LBP: variants seen among roughly 807,000 people sequenced by gnomAD.
LBP encodes the protein lipopolysaccharide binding protein.
Under a neutral mutation model 56.6 loss-of-function variants are expected in LBP, and 53 were observed. The observed-to-expected ratio is 0.94, with a 90% confidence interval of 0.75 to 1.18. The LOEUF (loss-of-function observed/expected upper bound fraction) is 1.18, where lower values mean the gene tolerates loss of function less well. Among genes scored for constraint, LBP ranks in the 50% most tolerant of loss-of-function variants. LBP has a pLI of 0.00. For synonymous variants in LBP, 227 were observed against 247.5 expected, an observed-to-expected ratio of 0.92 and a Z score of 0.78; for missense variants, 601 against 598.3, an observed-to-expected ratio of 1.00 and a Z score of -0.05.
At chr20:38,370,883 T>G in intron 11 of LBP, 78 bp downstream of exon 11, 1 of 1,206,684 alleles carries the variant, frequency 8.3e-7, no homozygotes, top group Non-Finnish European at 1.2e-6. Flanking sequence ...CTGTAGCTGG[T>G]GGGAGGGGGG....
chr20:38,348,777 A>AGTTTT (rs1491384715), intron 1 of LBP, among the ~76,000 whole-genome samples: 56 of 130,782 alleles, frequency 4.3e-4, no homozygotes, highest in African/African-American at 1.5e-3. Context: ...AGTTTAGTTT[A>AGTTTT]GTTTAGTTTA....
chr20:38,371,624 A>C (rs917430787), intron 12 of LBP, among the ~76,000 whole-genome samples: 1 of 152,232 alleles, frequency 6.6e-6, no homozygotes, highest in Non-Finnish European at 1.5e-5. Context: ...ATAATTGAAA[A>C]GCAAAAATAA....
chr20:38,356,876 G>A (rs1168426849), intron 5 of LBP, among the ~76,000 whole-genome samples: 1 of 151,758 alleles, frequency 6.6e-6, no homozygotes, highest in Non-Finnish European at 1.5e-5. Context: ...TTTTAATTGA[G>A]ACAGAGTCTC....
At chr20:38,350,667 A>G (rs2076817231) in intron 2 of LBP, 144 bp from the exon 3 acceptor site, 5 of 850,918 alleles carry the variant, frequency 5.9e-6, no homozygotes, top group South Asian at 4.1e-5. Flanking sequence ...TGGTCATAAG[A>G]TCGATGCCTG....
chr20:38,374,669 T>C (rs1242199885), intron 14 of LBP, among the ~76,000 whole-genome samples: 1 of 151,830 alleles, frequency 6.6e-6, no homozygotes, highest in African/African-American at 2.4e-5. Context: ...GGTCAGGTTC[T>C]GAAAGTCATT....
chr20:38,375,442 A>G (rs1028808969), intron 14 of LBP, among the ~76,000 whole-genome samples: 21 of 151,902 alleles, frequency 1.4e-4, no homozygotes, highest in Non-Finnish European at 2.1e-4. Flanking sequence ...TTAGCTGGGC[A>G]TGGTGGTGCG....
In LBP at chr20:38,346,575, C is replaced by T. The variant is rs1344554056; in HGVS notation, c.59C>T (p.Thr20Ile). Residue 20 changes from threonine (T) to isoleucine (I), a missense_variant, in exon 1 of 15, where the codon ACC (threonine) becomes ATC (isoleucine). Physicochemically the swap from Thr to Ile is moderately conservative, Grantham distance 89. Transcript: ENST00000217407. ...CTGCTGGCATTGCTGCTTACGTCCACCCCAGAGGCTCTGGGTGCCAACCCC... is the reference window on the plus strand; with the variant it reads ...CTGCTGGCATTGCTGCTTACGTCCATCCCAGAGGCTCTGGGTGCCAACCCC... ...SILLALLLTS[T>I]PEALGANPGL... is the part of the protein sequence containing the mutation. The T allele has an allele frequency of 1.2e-6, 2 of 1,613,676 alleles. No homozygotes were observed. Among genetic ancestry groups the T allele is most frequent in the East Asian group, 2.2e-5 (1 of 44,898 alleles).
At chr20:38,350,719 A>G in intron 2 of LBP, 92 bp from the exon 3 acceptor site, 1 of 1,400,796 alleles carries the variant, frequency 7.1e-7, no homozygotes, top group East Asian at 2.3e-5. Flanking sequence ...CTGCTGGTCT[A>G]GTCCCCACTG....
chr20:38,350,451 G>T (rs1317435620), intron 2 of LBP, among the ~76,000 whole-genome samples: 1 of 152,184 alleles, frequency 6.6e-6, no homozygotes, highest in Non-Finnish European at 1.5e-5. Context: ...AGCAGGAACT[G>T]CAAACCCAAA....
intron 3 of LBP, among the ~76,000 whole-genome samples, chr20:38,351,860 A>G (rs949972914): frequency 7.2e-5 from 11 of 152,234 alleles, no homozygotes; most frequent in Non-Finnish European, 1.6e-4. Context: ...GTCTCTACTA[A>G]AAATGAAAAA....
chr20:38,362,929 C>T (rs983032523), intron 6 of LBP, among the ~76,000 whole-genome samples: 2 of 152,142 alleles, frequency 1.3e-5, no homozygotes, highest in Non-Finnish European at 2.9e-5. Flanking sequence ...GCCTGGGCCA[C>T]AGAGTGAGAT....
At chr20:38,361,624 C>T (rs1256107820) in intron 6 of LBP, among the ~76,000 whole-genome samples, 2 of 151,866 alleles carry the variant, frequency 1.3e-5, no homozygotes, top group African/African-American at 2.4e-5. Context: ...AGGCTGGTCT[C>T]GAACTCCTGG....
At chr20:38,366,958 C>T in intron 9 of LBP, 130 bp downstream of exon 9, 1 of 820,624 alleles carries the variant, frequency 1.2e-6, no homozygotes, top group Non-Finnish European at 2.1e-6. Context: ...CCACTGAAGG[C>T]TGGGGTGCTG....
At chr20:38,356,662 G>T (rs1395540009) in intron 5 of LBP, among the ~76,000 whole-genome samples, 1 of 152,168 alleles carries the variant, frequency 6.6e-6, no homozygotes, top group East Asian at 1.9e-4. Flanking sequence ...CAATAGTAAT[G>T]TAGCACAATT....
intron 9 of LBP, among the ~76,000 whole-genome samples, chr20:38,367,745 T>C (rs1204754081): frequency 1.3e-5 from 2 of 152,234 alleles, no homozygotes; most frequent in Non-Finnish European, 2.9e-5. Flanking sequence ...GTCTCCCTTC[T>C]AGAAGAGGAT....
rs2076905530 is a variant in LBP, at chr20:38,372,978, T to C, written c.1261-94T>C. ...AAATAGTAGCATGATGTAATACTAG[T>C]TTGCTTTTCCCAAGCGTTTTGCTAT... On this transcript the variant is annotated intron_variant, in intron 12 of 14. Coordinates refer to ENST00000217407, the MANE Select transcript of LBP (RefSeq NM_004139.5). 4 of 983,060 alleles carry C rather than the reference T, an allele frequency of 4.1e-6. No individual in the cohort carries two copies. In the East Asian group the frequency reaches 9.6e-5, roughly 24 times the overall value. 60.9% of individuals were successfully genotyped at this position (983,060 alleles called of 1,614,324 possible).
intron 3 of LBP, among the ~76,000 whole-genome samples, chr20:38,351,904 T>G (rs1484247277): frequency 6.6e-6 from 1 of 151,742 alleles, no homozygotes; most frequent in Non-Finnish European, 1.5e-5. Context: ...CCAGGTGTGG[T>G]GGCAGGTACC....
intron 7 of LBP, 43 bp from the exon 8 acceptor site, chr20:38,364,533 A>G: frequency 1.2e-6 from 2 of 1,602,518 alleles, no homozygotes; most frequent in Non-Finnish European, 1.7e-6. Flanking sequence ...CTGCCCCACG[A>G]TAGGCTTTGA....
chr20:38,356,214 A>G (rs1314459512), intron 5 of LBP, among the ~76,000 whole-genome samples: 1 of 2,566 alleles, frequency 3.9e-4, no homozygotes, highest in Admixed American at 7.0e-3. Flanking sequence ...CCCCACACAA[A>G]CACACACACC....
Sources: allele counts gnomAD v4.1 joint callset (sites outside exome capture counted in the v4.1 genomes callset), GRCh38; gene constraint gnomAD v4.1.1; transcripts MANE v1.5; gene names NCBI Gene and HGNC (gene_info 2026-07-23, HGNC 2026-07-21).